RNGTT: variants seen among roughly 807,000 people sequenced by gnomAD.
RNGTT encodes RNA guanylyltransferase and 5'-phosphatase, also known as mRNA-capping enzyme.
Under a neutral mutation model 79.3 loss-of-function variants are expected in RNGTT, and 33 were observed. The ratio of observed to expected loss-of-function variants is 0.42; its 90% confidence interval spans 0.32 to 0.56. RNGTT has a LOEUF of 0.56. Ranked by LOEUF, RNGTT falls within the 20% of genes least tolerant of loss-of-function variation. RNGTT has a pLI of 0.17. For synonymous variants in RNGTT, 222 were observed against 235.9 expected (o/e 0.94, Z 0.54); for missense variants, 497 against 739.1 (o/e 0.67, Z 3.80).
chr6:88,955,422 C>T (rs779730639), intron 1 of RNGTT, among the ~76,000 whole-genome samples: 95 of 151,552 alleles, frequency 6.3e-4, no homozygotes, highest in Middle Eastern at 3.4e-3. Flanking sequence ...TGGTGGCGGG[C>T]GCCTGTAATC....
At chr6:88,635,335 G>A (rs181942278) in intron 14 of RNGTT, among the ~76,000 whole-genome samples, 33 of 152,076 alleles carry the variant, frequency 2.2e-4, no homozygotes, top group African/African-American at 7.7e-4. Flanking sequence ...TTGGTTACAC[G>A]AACATTCTAA....
At chr6:88,889,084 T>C (rs1782961454) in intron 8 of RNGTT, among the ~76,000 whole-genome samples, 1 of 152,074 alleles carries the variant, frequency 6.6e-6, no homozygotes, top group South Asian at 2.1e-4. Flanking sequence ...GAGAAAAAGG[T>C]CAATACCATA....
At chr6:88,632,125 T>TA (rs2127769714) in intron 14 of RNGTT, among the ~76,000 whole-genome samples, 1 of 152,256 alleles carries the variant, frequency 6.6e-6, no homozygotes, top group Non-Finnish European at 1.5e-5. Flanking sequence ...CACACTTGGC[T>TA]AATTTTTGTA....
chr6:88,824,138 C>T (rs972613304), intron 11 of RNGTT, among the ~76,000 whole-genome samples: 1 of 152,148 alleles, frequency 6.6e-6, no homozygotes, highest in African/African-American at 2.4e-5. Flanking sequence ...CATCATTTAA[C>T]AACAGGAGTG....
At chr6:88,746,913 C>G (rs1397476712) in intron 13 of RNGTT, among the ~76,000 whole-genome samples, 2 of 152,160 alleles carry the variant, frequency 1.3e-5, no homozygotes, top group African/African-American at 4.8e-5. Context: ...AAAGTGAAGA[C>G]TTAAAGAAAT....
At chr6:88,736,835 G>A (rs1777303717) in intron 13 of RNGTT, among the ~76,000 whole-genome samples, 1 of 152,154 alleles carries the variant, frequency 6.6e-6, no homozygotes. Context: ...ACCATCAGGT[G>A]GTGAACATGC....
At chr6:88,789,018 T>A (rs1448561677) in intron 12 of RNGTT, among the ~76,000 whole-genome samples, 4 of 152,228 alleles carry the variant, frequency 2.6e-5, no homozygotes, top group African/African-American at 9.6e-5. Context: ...AGCTAAACAA[T>A]AAAACTTTCT....
intron 14 of RNGTT, among the ~76,000 whole-genome samples, chr6:88,661,261 A>C (rs191686338): frequency 6.6e-6 from 1 of 152,326 alleles, no homozygotes; most frequent in East Asian, 1.9e-4. Context: ...CCAAGAAACT[A>C]GAGAAACAAC....
chr6:88,726,976 T>G (rs1776929939), intron 13 of RNGTT, among the ~76,000 whole-genome samples: 1 of 150,210 alleles, frequency 6.7e-6, no homozygotes, highest in African/African-American at 2.5e-5. Context: ...AAAAGAATGA[T>G]TATCATCTCT....
chr6:88,828,946 C>T (rs1171513346), intron 11 of RNGTT, among the ~76,000 whole-genome samples: 1 of 152,066 alleles, frequency 6.6e-6, no homozygotes, highest in Non-Finnish European at 1.5e-5. Context: ...AGAATGGAAC[C>T]AAGATGGAAA....
chr6:88,922,046 ATT>A (rs113358695), intron 4 of RNGTT, among the ~76,000 whole-genome samples: 2 of 148,056 alleles, frequency 1.4e-5, no homozygotes, highest in African/African-American at 2.5e-5. Flanking sequence ...AACCACATTA[ATT>A]TTTTTTTTGC....
chr6:88,696,380 G>A (rs1289070743), intron 13 of RNGTT, among the ~76,000 whole-genome samples: 1 of 152,102 alleles, frequency 6.6e-6, no homozygotes, highest in African/African-American at 2.4e-5. Context: ...GTTGAAAAGT[G>A]AATTTTAACA....
intron 10 of RNGTT, among the ~76,000 whole-genome samples, chr6:88,845,896 C>A (rs927543678): frequency 4.6e-5 from 7 of 151,764 alleles, no homozygotes; most frequent in African/African-American, 1.7e-4. Context: ...ACATCATCAA[C>A]AAGGTTGAAA....
intron 12 of RNGTT, among the ~76,000 whole-genome samples, chr6:88,780,240 T>A (rs1019487406): frequency 7.9e-5 from 12 of 152,126 alleles, no homozygotes; most frequent in African/African-American, 2.7e-4. Context: ...ACTACAAAAA[T>A]ATCTGTCTCA....
chr6:88,664,617 G>A (rs774959684), intron 14 of RNGTT, among the ~76,000 whole-genome samples: 3 of 152,168 alleles, frequency 2.0e-5, no homozygotes, highest in East Asian at 1.9e-4. Flanking sequence ...CAGTCTGACC[G>A]TCCACGCTTG....
intron 8 of RNGTT, among the ~76,000 whole-genome samples, chr6:88,879,359 A>C (rs1279457844): frequency 6.6e-6 from 1 of 152,160 alleles, no homozygotes; most frequent in Non-Finnish European, 1.5e-5. Context: ...ACGCCATTGC[A>C]CTCCAGCCTG....
intron 13 of RNGTT, among the ~76,000 whole-genome samples, chr6:88,691,996 G>C (rs1415225911): frequency 6.6e-6 from 1 of 151,990 alleles, no homozygotes; most frequent in Non-Finnish European, 1.5e-5. Flanking sequence ...ACATAATCTT[G>C]GCATAATGAT....
At chr6:88,838,751 G>C (rs1781165575) in intron 11 of RNGTT, among the ~76,000 whole-genome samples, 1 of 151,976 alleles carries the variant, frequency 6.6e-6, no homozygotes, top group African/African-American at 2.4e-5. Context: ...TGTAGAAATT[G>C]ACAGCTAATT....
At chr6:88,938,458 G>A (rs1431498256) in intron 2 of RNGTT, among the ~76,000 whole-genome samples, 1 of 152,170 alleles carries the variant, frequency 6.6e-6, no homozygotes, top group Non-Finnish European at 1.5e-5. Flanking sequence ...GCAGCATATG[G>A]ATAAGTCGTG....
Sources: gnomAD v4.1 joint callset for allele counts (sites outside exome capture counted in the v4.1 genomes callset) on GRCh38, gnomAD v4.1.1 for gene constraint, MANE v1.5 for transcripts, NCBI Gene and HGNC (gene_info 2026-07-23, HGNC 2026-07-21) for gene names.